The following ATP10B variants were observed in gnomAD, a reference collection of about 807,000 sequenced individuals.
ATP10B encodes ATPase phospholipid transporting 10B (putative).
In ATP10B, 122 loss-of-function variants were observed where a neutral mutation model predicts 141.2. The ratio of observed to expected loss-of-function variants is 0.86; its 90% confidence interval spans 0.75 to 1.00. ATP10B has a LOEUF of 1.00. Ranked by LOEUF, ATP10B falls within the 50% of genes least tolerant of loss-of-function variation. ATP10B has a pLI of 0.00. For missense variants in ATP10B, 1,876 were observed against 1,825.3 expected (o/e 1.03, Z -0.51); for synonymous variants, 685 against 692.0 (o/e 0.99, Z 0.16).
intron 8 of ATP10B, among the ~76,000 whole-genome samples, chr5:160,647,631 G>C (rs554246116): frequency 6.6e-6 from 1 of 152,316 alleles, no homozygotes; most frequent in East Asian, 1.9e-4. Flanking sequence ...CAATGAGGCT[G>C]TTCTCTAAGA....
chr5:160,924,271 A>T, the ATP10B span, among the ~76,000 whole-genome samples: 1 of 152,206 alleles, frequency 6.6e-6, no homozygotes, highest in East Asian at 1.9e-4. Flanking sequence ...GTGTTTAATC[A>T]CACAGGGTTG....
At chr5:160,652,476 C>T (rs1490193096) in intron 7 of ATP10B, among the ~76,000 whole-genome samples, 1 of 125,214 alleles carries the variant, frequency 8.0e-6, no homozygotes. Context: ...TTTATTTATT[C>T]GAGACAGGGT....
At chr5:160,819,978 G>T (rs750146567) in intron 1 of ATP10B, among the ~76,000 whole-genome samples, 2 of 151,756 alleles carry the variant, frequency 1.3e-5, no homozygotes, top group Non-Finnish European at 2.9e-5. Context: ...AGAAACAAAA[G>T]CAGGAGCAAA....
chr5:160,692,238 T>C (rs1764115647), intron 3 of ATP10B, among the ~76,000 whole-genome samples: 2 of 152,232 alleles, frequency 1.3e-5, no homozygotes, highest in Admixed American at 6.5e-5. Flanking sequence ...GCCAAATTAG[T>C]GAATGAAAGT....
At chr5:160,603,203 T>C (rs1423897583) in intron 20 of ATP10B, 2 of 156,406 alleles carry the variant, frequency 1.3e-5, no homozygotes, top group African/African-American at 4.8e-5. Context: ...ATAGTACTCT[T>C]TTAAAAACAT....
the ATP10B span, among the ~76,000 whole-genome samples, chr5:160,873,409 C>T: frequency 6.6e-6 from 1 of 152,100 alleles, no homozygotes; most frequent in African/African-American, 2.4e-5. Context: ...ATAAAGACAA[C>T]ATAATAAAAG....
At chr5:160,705,263 A>G (rs1764937928) in intron 3 of ATP10B, among the ~76,000 whole-genome samples, 1 of 152,028 alleles carries the variant, frequency 6.6e-6, no homozygotes, top group African/African-American at 2.4e-5. Context: ...TTGTCCAGGC[A>G]TGTCCAGGAG....
At chr5:160,906,389 AAG>A in the ATP10B span, among the ~76,000 whole-genome samples, 3 of 152,114 alleles carry the variant, frequency 2.0e-5, no homozygotes, top group African/African-American at 7.2e-5. Flanking sequence ...CTGGGCCAAA[AAG>A]GGGTTCCACA....
At chr5:160,849,641 A>ACACACACACACACACACACT (rs1355241101) in intron 1 of ATP10B, among the ~76,000 whole-genome samples, 1 of 151,138 alleles carries the variant, frequency 6.6e-6, no homozygotes, top group Non-Finnish European at 1.5e-5. Context: ...ACACACACAC[A>ACACACACACACACACACACT]CTCTTTTAAT....
chr5:160,893,334 C>T, the ATP10B span, among the ~76,000 whole-genome samples: 1 of 152,118 alleles, frequency 6.6e-6, no homozygotes, highest in Non-Finnish European at 1.5e-5. Flanking sequence ...GTCTGAAGTC[C>T]ACCTGGGATG....
chr5:160,610,153 G>A (rs1757635568), intron 18 of ATP10B, among the ~76,000 whole-genome samples: 1 of 151,998 alleles, frequency 6.6e-6, no homozygotes, highest in East Asian at 1.9e-4. Flanking sequence ...CTAATGAAGG[G>A]AATTCTGCAA....
chr5:160,693,957 G>T (rs1764226067), intron 3 of ATP10B, among the ~76,000 whole-genome samples: 1 of 152,214 alleles, frequency 6.6e-6, no homozygotes, highest in Non-Finnish European at 1.5e-5. Context: ...ACATGGAACG[G>T]GAGACAAAGA....
At chr5:160,869,092 A>G in the ATP10B span, among the ~76,000 whole-genome samples, 1 of 152,186 alleles carries the variant, frequency 6.6e-6, no homozygotes, top group Non-Finnish European at 1.5e-5. Context: ...AATAAGCATA[A>G]CAATGTCTAC....
intron 2 of ATP10B, among the ~76,000 whole-genome samples, chr5:160,774,810 CTT>C (rs997847338): frequency 2.0e-5 from 3 of 152,172 alleles, no homozygotes; most frequent in African/African-American, 7.2e-5. Flanking sequence ...GGCAAGGCCT[CTT>C]TGTTTTCTGC....
the ATP10B span, among the ~76,000 whole-genome samples, chr5:160,878,404 A>G: frequency 6.6e-6 from 1 of 151,894 alleles, no homozygotes; most frequent in Admixed American, 6.6e-5. Flanking sequence ...AAAGACTTAA[A>G]CGTTAGACCT....
At chr5:160,824,237 C>T (rs529840953) in intron 1 of ATP10B, among the ~76,000 whole-genome samples, 5 of 152,126 alleles carry the variant, frequency 3.3e-5, no homozygotes, top group South Asian at 2.1e-4. Flanking sequence ...AGGATGGTCT[C>T]GATCTCCTGA....
chr5:160,715,570 G>C (rs1200759331), intron 3 of ATP10B, among the ~76,000 whole-genome samples: 1 of 150,932 alleles, frequency 6.6e-6, no homozygotes, highest in Admixed American at 6.6e-5. Flanking sequence ...GAAATCACCC[G>C]TCTTCTGCGT....
chr5:160,607,347 C>T (rs1019456), intron 18 of ATP10B, among the ~76,000 whole-genome samples: 125,834 of 152,158 alleles, frequency 0.83, 52,192 homozygotes, highest in African/African-American at 0.88. Context: ...TGGAGATAGA[C>T]ACAAGGATGG....
intron 1 of ATP10B, among the ~76,000 whole-genome samples, chr5:160,843,318 T>C (rs1022995963): frequency 3.3e-5 from 5 of 152,134 alleles, no homozygotes; most frequent in Non-Finnish European, 7.4e-5. Context: ...GAAATATTTT[T>C]AGTGGTTTGT....
Sources: allele counts gnomAD v4.1 joint callset (sites outside exome capture counted in the v4.1 genomes callset), GRCh38; gene constraint gnomAD v4.1.1; transcripts MANE v1.5; gene names NCBI Gene and HGNC (gene_info 2026-07-23, HGNC 2026-07-21).